SUSD6: variants seen among roughly 807,000 people sequenced by gnomAD.
SUSD6 encodes the protein sushi domain-containing protein 6.
SUSD6 carries 16 observed loss-of-function variants against 28.4 expected under a neutral mutation model. That is an observed-to-expected ratio of 0.56 (90% CI 0.38 to 0.86). SUSD6 has a LOEUF of 0.86. Among genes scored for constraint, SUSD6 ranks in the 40% least tolerant of loss-of-function variants. The pLI, the probability that SUSD6 is intolerant of heterozygous loss-of-function variation, is 0.00. For missense variants in SUSD6, 341 were observed against 384.2 expected (o/e 0.89, Z 0.94); for synonymous variants, 147 against 159.6 (o/e 0.92, Z 0.59).
At chr14:69,654,035 T>A (rs1885542683) in intron 1 of SUSD6, among the ~76,000 whole-genome samples, 1 of 152,190 alleles carries the variant, frequency 6.6e-6, no homozygotes, top group Non-Finnish European at 1.5e-5. Context: ...AGCCCTCATT[T>A]CCATCACCCC....
intron 1 of SUSD6, among the ~76,000 whole-genome samples, chr14:69,642,518 T>C (rs377510721): frequency 2.6e-5 from 4 of 152,242 alleles, no homozygotes; most frequent in African/African-American, 9.6e-5. Flanking sequence ...TCTTACATGG[T>C]GGCGGCAAGA....
At chr14:69,648,919 GTTC>G (rs1208029944) in intron 1 of SUSD6, among the ~76,000 whole-genome samples, 2 of 152,026 alleles carry the variant, frequency 1.3e-5, no homozygotes, top group Non-Finnish European at 2.9e-5. Context: ...TTGGTGAGTT[GTTC>G]TTCCATTTCT....
rs543561269 is a variant in SUSD6, at chr14:69,677,670, A to G, written c.121+18957A>G. On this transcript the variant is annotated intron_variant, in intron 2 of 5. Transcript: ENST00000342745. Reference sequence around the variant, plus strand: ...AGCAGTGGAGACAGCTGCATGGTCAATCAGGGGGTGAGTAGAAACAGATCT... The same window carrying G: ...AGCAGTGGAGACAGCTGCATGGTCAGTCAGGGGGTGAGTAGAAACAGATCT... 1.6e-3 allele frequency among the ~76,000 whole-genome samples: 249 copies of G among 152,286 alleles called. 1 individual carries two copies. The highest frequency in any genetic ancestry group is 5.4e-3 in the African/African-American group (224 of 41,554).
chr14:69,685,649 T>A (rs540807287), intron 2 of SUSD6, among the ~76,000 whole-genome samples: 2 of 152,290 alleles, frequency 1.3e-5, no homozygotes, highest in South Asian at 4.1e-4. Context: ...TACCTAAGAA[T>A]ATATTTTCTC....
Position 69,708,860 on chromosome 14 carries a change from G to T in SUSD6, c.642G>T (p.Glu214Asp). ...CCAGTGGGAGGAGCGTGCCAAGGGA[G>T]CAACAGCTGCCGGACCAAGGGGCCT... is the stretch of plus-strand genomic sequence containing the variant. Reference protein sequence around the residue: ...SGPSGRSVPREQQLPDQGACS... With the variant: ...SGPSGRSVPRDQQLPDQGACS... The change falls in exon 5 of 6, where the codon GAG becomes GAT. Residue 214 changes from glutamate to aspartate, a missense_variant. Transcript: ENST00000342745. The T allele has an allele frequency of 3.1e-6, 5 of 1,614,146 alleles. No homozygotes were observed. The highest frequency in any genetic ancestry group is 4.2e-6 in the Non-Finnish European group (5 of 1,180,016).
chr14:69,631,082 C>T (rs1312584290), intron 1 of SUSD6, among the ~76,000 whole-genome samples: 1 of 152,346 alleles, frequency 6.6e-6, no homozygotes, highest in African/African-American at 2.4e-5. Flanking sequence ...GCTGTGGCTT[C>T]AGAGGTCTCC....
At chr14:69,674,495 TA>T (rs1287502220) in intron 2 of SUSD6, among the ~76,000 whole-genome samples, 1 of 152,144 alleles carries the variant, frequency 6.6e-6, no homozygotes, top group African/African-American at 2.4e-5. Context: ...CTTTGGGGGT[TA>T]AAAGTATACA....
chr14:69,677,510 G>A (rs1453144110), intron 2 of SUSD6, among the ~76,000 whole-genome samples: 1 of 148,672 alleles, frequency 6.7e-6, no homozygotes, highest in Non-Finnish European at 1.5e-5. Flanking sequence ...TCACGCCACC[G>A]CGCTCCAGCC....
chr14:69,663,686 G>A (rs1245176890), intron 2 of SUSD6, among the ~76,000 whole-genome samples: 4 of 152,212 alleles, frequency 2.6e-5, no homozygotes, highest in African/African-American at 9.6e-5. Flanking sequence ...CTGAACCAGA[G>A]ACAGGTTCAA....
chr14:69,659,229 C>T (rs1885627927), intron 2 of SUSD6, among the ~76,000 whole-genome samples: 2 of 152,138 alleles, frequency 1.3e-5, no homozygotes, highest in Admixed American at 6.5e-5. Flanking sequence ...CGTCTTTCTG[C>T]GCTTTTTCTC....
chr14:69,635,541 T>C (rs931073741), intron 1 of SUSD6, among the ~76,000 whole-genome samples: 1 of 151,720 alleles, frequency 6.6e-6, no homozygotes, highest in African/African-American at 2.4e-5. Flanking sequence ...GAGTTGTTTT[T>C]TGGGTGGAAG....
intron 2 of SUSD6, among the ~76,000 whole-genome samples, chr14:69,695,622 C>T (rs900561722): frequency 2.6e-5 from 4 of 152,274 alleles, no homozygotes; most frequent in South Asian, 4.1e-4. Flanking sequence ...AGCCTGACTC[C>T]GAGACCCTCT....
intron 1 of SUSD6, among the ~76,000 whole-genome samples, chr14:69,644,279 A>G (rs1002294999): frequency 6.6e-6 from 1 of 152,190 alleles, no homozygotes; most frequent in African/African-American, 2.4e-5. Flanking sequence ...TCTCTCATTA[A>G]TTTATGATGT....
At chr14:69,635,595 CCACACACACA>C (rs3048696) in intron 1 of SUSD6, among the ~76,000 whole-genome samples, 2,484 of 143,582 alleles carry the variant, frequency 0.017, 45 homozygotes, top group African/African-American at 0.039. Flanking sequence ...CCAAGGCACA[CCACACACACA>C]CACACACACA....
intron 1 of SUSD6, among the ~76,000 whole-genome samples, chr14:69,643,188 G>A (rs1308908210): frequency 3.3e-5 from 5 of 152,134 alleles, no homozygotes; most frequent in Non-Finnish European, 7.3e-5. Flanking sequence ...AGTTGTTTAG[G>A]GAAGGAGAAT....
In SUSD6 at chr14:69,712,453, A is replaced by G. The variant is rs1353166985; in HGVS notation, c.*1474A>G. 1 of 152,206 alleles carries G rather than the reference A, an allele frequency of 6.6e-6. No homozygotes were observed. Among genetic ancestry groups the G allele is most frequent in the Non-Finnish European group, 1.5e-5 (1 of 68,120 alleles). The allele number at this position is 152,206 out of a possible 1,614,324, so 9.4% of individuals were successfully genotyped here. ...TTAGAAGATAGATGCAGCAGTAAGG[A>G]ATGTTTGTTTTGCTTTTTTCTGAAA... On this transcript the variant is annotated 3_prime_UTR_variant, in exon 6 of 6. Transcript: ENST00000342745.
rs768625625 is a variant in SUSD6 at position 69,704,627 on chromosome 14, G to A, written c.343G>A (p.Gly115Arg). The part of the protein sequence containing the change: ...NEDKDTHTSL[G>R]VPTLSIVAST... ...AGATAAAGACACCCACACATCACTT[G>A]GGGTCCCCACGCTGTCTATAGTGGC... is the stretch of plus-strand genomic sequence containing the variant. Residue 115 changes from glycine (G) to arginine (R), a missense_variant, in exon 4 of 6, where the codon GGG (glycine) becomes AGG (arginine). By Grantham distance (125) the Gly-to-Arg change is moderately radical. Coordinates refer to ENST00000342745, the MANE Select transcript of SUSD6 (RefSeq NM_014734.4). 3.1e-6 allele frequency: 5 copies of A among 1,613,766 alleles called. No individual in the cohort carries two copies. In the South Asian group the frequency reaches 5.5e-5, roughly 18 times the overall value.
intron 1 of SUSD6, among the ~76,000 whole-genome samples, chr14:69,612,484 C>T (rs1445934624): frequency 6.6e-6 from 1 of 152,134 alleles, no homozygotes; most frequent in African/African-American, 2.4e-5. Flanking sequence ...TTTTGAGACC[C>T]CAGCTATGAG....
intron 1 of SUSD6, among the ~76,000 whole-genome samples, chr14:69,619,887 T>G (rs1345195700): frequency 2.0e-5 from 3 of 152,218 alleles, no homozygotes; most frequent in Admixed American, 2.0e-4. Flanking sequence ...TTCAGAGCTG[T>G]GTCTCGACTT....
Sources: gnomAD v4.1 joint callset for allele counts (sites outside exome capture counted in the v4.1 genomes callset) on GRCh38, gnomAD v4.1.1 for gene constraint, MANE v1.5 for transcripts, NCBI Gene and HGNC (gene_info 2026-07-23, HGNC 2026-07-21) for gene names.